WFDC12: variants seen among roughly 807,000 people sequenced by gnomAD.
The protein encoded by WFDC12 is WAP four-disulfide core domain 12, also known as WAP four-disulfide core domain protein 12.
WFDC12 carries 4 observed loss-of-function variants against 7.3 expected under a neutral mutation model. The observed-to-expected ratio is 0.55, with a 90% CI of 0.27 to 1.25. The LOEUF is 1.25. Ranked by LOEUF, WFDC12 falls within the 50% of genes most tolerant of loss-of-function variation. The pLI, the probability that WFDC12 is intolerant of heterozygous loss-of-function variation, is 0.12. For missense variants in WFDC12, 156 were observed against 134.4 expected (o/e 1.16, Z -0.80); for synonymous variants, 48 against 49.5 (o/e 0.97, Z 0.13).
chr20:45,124,313 G>T, intron 1 of WFDC12, 48 bp from the exon 2 acceptor site: 1 of 1,613,890 alleles, frequency 6.2e-7, no homozygotes. Flanking sequence ...GCCCCAGAGG[G>T]CCCCTCAGGA....
At position 45,124,276 on chromosome 20, in the gene WFDC12, A is replaced by G. The variant is rs1178207845; in HGVS notation, c.80-11T>C. ...CTGCTTTCTCTATACCTAGTGGAGG[A>G]AGCCACAAGGTGATATGAGAACTCC... On this transcript the variant is annotated splice_polypyrimidine_tract_variant and intron_variant, in intron 1 of 2. Coordinates refer to ENST00000372785, the MANE Select transcript of WFDC12 (RefSeq NM_080869.2). 1.2e-6 allele frequency: 2 copies of G among 1,613,956 alleles called. No homozygotes were observed. The highest frequency in any genetic ancestry group is 1.7e-6 in the Non-Finnish European group (2 of 1,179,988).
chr20:45,123,674 G>T lies in WFDC12; in HGVS notation c.*172C>A. ...GCACCAGGTAGAGAGGGAAAGTACC[G>T]TCCCTGGGGTCTGGACTTTTTGTGA... On this transcript the variant is annotated 3_prime_UTR_variant, in exon 3 of 3. Transcript: ENST00000372785. 1.4e-6 allele frequency: 1 copy of T among 691,610 alleles called. No homozygotes were observed. Among genetic ancestry groups the T allele is most frequent in the Non-Finnish European group, 2.5e-6 (1 of 400,114 alleles). 42.8% of individuals were successfully genotyped at this position (691,610 alleles called of 1,614,324 possible).
rs1045109345 is a variant in WFDC12, at chr20:45,123,636, G to A, written c.*210C>T. The A allele has an allele frequency of 2.0e-5, 12 of 605,302 alleles. 1 individual carries two copies. The South Asian group carries it at 2.3e-4, about 12-fold the overall frequency. 37.5% of individuals were successfully genotyped at this position (605,302 alleles called of 1,614,324 possible). On this transcript the variant is annotated 3_prime_UTR_variant, in exon 3 of 3. Coordinates refer to ENST00000372785, the MANE Select transcript of WFDC12 (RefSeq NM_080869.2). ...TCATTCATGAGGGGTCCATTCATGA[G>A]CATTAGGGAGGAGCACCAGGTAGAG...
chr20:45,123,911 A>G lies in WFDC12; in HGVS notation c.271T>C (p.Tyr91His). The G allele has an allele frequency of 1.2e-6, 2 of 1,613,504 alleles. No individual in the cohort carries two copies. The highest frequency in any genetic ancestry group is 1.7e-5 in the Admixed American group (1 of 59,966). Residue 91 changes from tyrosine (Y) to histidine (H), a missense_variant, in exon 3 of 3, where the codon TAC (tyrosine) becomes CAC (histidine). Physicochemically the swap from Tyr to His is moderately conservative, Grantham distance 83 (BLOSUM62 2). Transcript: ENST00000372785. ...GNKDEDVSRPYPEPGWEAKCP... is the reference protein window; with the variant it reads ...GNKDEDVSRPHPEPGWEAKCP... Reference sequence around the variant, plus strand: ...TTGGCCTCCCATCCTGGCTCAGGGTATGGCCTTGACACATCTTCATCCTTG... The same window carrying G: ...TTGGCCTCCCATCCTGGCTCAGGGTGTGGCCTTGACACATCTTCATCCTTG...
Position 45,123,522 on chromosome 20 carries a change from T to G in WFDC12, c.*324A>C. 3.0e-6 allele frequency: 1 copy of G among 333,334 alleles called. No individual in the cohort carries two copies. Among genetic ancestry groups the G allele is most frequent in the Non-Finnish European group, 5.5e-6 (1 of 180,630 alleles). 20.6% of individuals were successfully genotyped at this position (333,334 alleles called of 1,614,324 possible). ...GATTCAGCATCTGGTGAGGACCAGT[T>G]TCTCTTCTCTGACAGTGCCTTCTAG... is the stretch of plus-strand genomic sequence containing the variant. On this transcript the variant is annotated 3_prime_UTR_variant, in exon 3 of 3. Coordinates refer to ENST00000372785, the MANE Select transcript of WFDC12 (RefSeq NM_080869.2).
At chr20:45,124,330 C>T (rs559835767) in intron 1 of WFDC12, 39 bp downstream of exon 1, 2 of 1,613,926 alleles carry the variant, frequency 1.2e-6, no homozygotes, top group East Asian at 2.2e-5. Context: ...AGGACCTCTC[C>T]CCAGCCCAGC....
chr20:45,123,716 G>T lies in WFDC12; in HGVS notation c.*130C>A. 1.0e-6 allele frequency: 1 copy of T among 965,668 alleles called. No homozygotes were observed. The highest frequency in any genetic ancestry group is 1.6e-6 in the Non-Finnish European group (1 of 630,756). 59.8% of individuals were successfully genotyped at this position (965,668 alleles called of 1,614,324 possible). ...TTTTTGTGACTCTTCCCTCTTTTTG[G>T]GGAAAAGGACTTCAAGCTCAGGTTT... is the stretch of plus-strand genomic sequence containing the variant. On this transcript the variant is annotated 3_prime_UTR_variant, in exon 3 of 3. Transcript: ENST00000372785.
rs758379565 is a variant in WFDC12, at chr20:45,124,148, C to G, written c.197G>C (p.Cys66Ser). 52 of 1,614,120 alleles carry G rather than the reference C, an allele frequency of 3.2e-5. No homozygotes were observed. Among genetic ancestry groups the G allele is most frequent in the Non-Finnish European group, 3.2e-5 (38 of 1,180,058 alleles). ...LGERKCCYLH[C>S]GFKCVIPVKE... ...CACAGGAATCACACACTTGAAGCCACAGTGCAGGTAACAACACTTCCTTTC... is the reference window on the plus strand; with the variant it reads ...CACAGGAATCACACACTTGAAGCCAGAGTGCAGGTAACAACACTTCCTTTC... Residue 66 changes from cysteine (C) to serine (S), a missense_variant, in exon 2 of 3, where the codon TGT (cysteine) becomes TCT (serine). Cys to Ser is a moderately radical substitution (Grantham distance 112). Coordinates refer to ENST00000372785, the MANE Select transcript of WFDC12 (RefSeq NM_080869.2).
Position 45,124,427 on chromosome 20 carries a change from C to T in WFDC12, c.21G>A (p.Leu7=), listed in dbSNP as rs545327186. Residue 7 remains leucine (L), a synonymous_variant, in exon 1 of 3, where the codon TTG becomes TTA. Coordinates refer to ENST00000372785, the MANE Select transcript of WFDC12 (RefSeq NM_080869.2). MGSSSF[L]VLMVSLVLVT... is the part of the protein sequence containing the mutation. ...CAAGAACGAGAGACACCATGAGGACCAAGAAGCTGCTGGACCCCATGTTGC... is the reference window on the plus strand; with the variant it reads ...CAAGAACGAGAGACACCATGAGGACTAAGAAGCTGCTGGACCCCATGTTGC... 1 of 1,614,164 alleles carries T rather than the reference C, an allele frequency of 6.2e-7. No individual in the cohort carries two copies. Among genetic ancestry groups the T allele is most frequent in the South Asian group, 1.1e-5 (1 of 91,070 alleles).
rs1409671792 is a variant in WFDC12, at chr20:45,124,411, G to A, written c.37C>T (p.Leu13Phe). The A allele has an allele frequency of 1.2e-6, 2 of 1,614,162 alleles. No individual in the cohort carries two copies. The highest frequency in any genetic ancestry group is 1.1e-5 in the South Asian group (1 of 91,082). Residue 13 changes from leucine to phenylalanine, a missense_variant, in exon 1 of 3, where the codon CTC becomes TTC. Coordinates refer to ENST00000372785, the MANE Select transcript of WFDC12 (RefSeq NM_080869.2). Reference sequence around the variant, plus strand: ...ACAGCCACCAGGGTCACAAGAACGAGAGACACCATGAGGACCAAGAAGCTG... The same window carrying A: ...ACAGCCACCAGGGTCACAAGAACGAAAGACACCATGAGGACCAAGAAGCTG... ...SSSFLVLMVS[L>F]VLVTLVAVEG...
Position 45,123,896 on chromosome 20 carries a change from A to T in WFDC12, c.286T>A (p.Trp96Arg). The T allele has an allele frequency of 6.2e-7, 1 of 1,613,606 alleles. No homozygotes were observed. The highest frequency in any genetic ancestry group is 8.5e-7 in the Non-Finnish European group (1 of 1,179,990). ...DVSRPYPEPG[W>R]EAKCPGSSST... ...GAGGAGCCTGGACACTTGGCCTCCC[A>T]TCCTGGCTCAGGGTATGGCCTTGAC... is the stretch of plus-strand genomic sequence containing the variant. Residue 96 changes from tryptophan to arginine, a missense_variant, in exon 3 of 3, where the codon TGG (tryptophan) becomes AGG (arginine). Coordinates refer to ENST00000372785, the MANE Select transcript of WFDC12 (RefSeq NM_080869.2).
rs775514182 is a variant in WFDC12 at position 45,124,453 on chromosome 20, C to G, written c.-6G>C. On this transcript the variant is annotated 5_prime_UTR_variant, in exon 1 of 3. Transcript: ENST00000372785. ...AAGAAGCTGCTGGACCCCATGTTGC[C>G]AGGCAGGTGCTTGGCTGGGAGCTGG... 1.1e-5 allele frequency: 17 copies of G among 1,614,182 alleles called. No homozygotes were observed. The highest frequency in any genetic ancestry group is 3.3e-5 in the Admixed American group (2 of 60,022).
rs771636507 is a variant in WFDC12 at position 45,124,213 on chromosome 20, G to T, written c.132C>A (p.Ser44=). 4 of 1,614,030 alleles carry T rather than the reference G, an allele frequency of 2.5e-6. No homozygotes were observed. Among genetic ancestry groups the T allele is most frequent in the Admixed American group, 3.3e-5 (2 of 60,002 alleles). ...GGTCTGTGTGACACTGGGGAGGATC[G>T]GACTTGAAGCAGCGTACGTTGTCAG... The part of the protein sequence containing the change: ...CPADNVRCFK[S]DPPQCHTDQD... Residue 44 remains serine, a synonymous_variant, in exon 2 of 3, where the codon TCC becomes TCA. Transcript: ENST00000372785.
chr20:45,123,820 C>A lies in WFDC12; in HGVS notation c.*26G>T. Reference sequence around the variant, plus strand: ...AGGGGCAGGTGCCAAGTGAGAGTGACCCCCAGAGGTAGAAAGGACCCAGCA... The same window carrying A: ...AGGGGCAGGTGCCAAGTGAGAGTGAACCCCAGAGGTAGAAAGGACCCAGCA... On this transcript the variant is annotated 3_prime_UTR_variant, in exon 3 of 3. Coordinates refer to ENST00000372785, the MANE Select transcript of WFDC12 (RefSeq NM_080869.2). 1.2e-6 allele frequency: 2 copies of A among 1,609,616 alleles called. No homozygotes were observed. The highest frequency in any genetic ancestry group is 1.7e-6 in the Non-Finnish European group (2 of 1,177,636).
In WFDC12 at chr20:45,124,358, T is replaced by C; in HGVS notation, c.79+11A>G. On this transcript the variant is annotated intron_variant, in intron 1 of 2. Coordinates refer to ENST00000372785, the MANE Select transcript of WFDC12 (RefSeq NM_080869.2). ...AGCCCAGCCCCACCCAGCTCCACCA[T>C]GTCTGCTCACCCTCTTTAACTCCTT... 1.9e-6 allele frequency: 3 copies of C among 1,572,082 alleles called. No homozygotes were observed. Among genetic ancestry groups the C allele is most frequent in the Non-Finnish European group, 2.6e-6 (3 of 1,141,392 alleles).
In WFDC12 at chr20:45,123,837, G is replaced by A. The variant is rs777773931; in HGVS notation, c.*9C>T. ...GAGAGTGACCCCCAGAGGTAGAAAG[G>A]ACCCAGCATCATTTCTGAGGACACC... On this transcript the variant is annotated 3_prime_UTR_variant, in exon 3 of 3. Coordinates refer to ENST00000372785, the MANE Select transcript of WFDC12 (RefSeq NM_080869.2). The A allele has an allele frequency of 9.3e-6, 15 of 1,612,418 alleles. No individual in the cohort carries two copies. The highest frequency in any genetic ancestry group is 2.1e-4 in the Middle Eastern group (1 of 4,850).
At position 45,124,436 on chromosome 20, in the gene WFDC12, G is replaced by C; in HGVS notation, c.12C>G (p.Ser4Arg). The C allele has an allele frequency of 1.9e-6, 3 of 1,614,170 alleles. No homozygotes were observed. The highest frequency in any genetic ancestry group is 2.5e-6 in the Non-Finnish European group (3 of 1,180,032). The change falls in exon 1 of 3, where the codon AGC becomes AGG. Residue 4 changes from serine to arginine, a missense_variant. Physicochemically the swap from Ser to Arg is moderately radical, Grantham distance 110. Transcript: ENST00000372785. Reference sequence around the variant, plus strand: ...GAGACACCATGAGGACCAAGAAGCTGCTGGACCCCATGTTGCCAGGCAGGT... The same window carrying C: ...GAGACACCATGAGGACCAAGAAGCTCCTGGACCCCATGTTGCCAGGCAGGT... MGS[S>R]SFLVLMVSLV...
Position 45,124,261 on chromosome 20 carries a change from T to A in WFDC12, c.84A>T (p.Ile28=). ...CAGCTGGGCAAACCCCTGCTTTCTC[T>A]ATACCTAGTGGAGGAAGCCACAAGG... The part of the protein sequence containing the change: ...LVAVEGVKEG[I]EKAGVCPADN... The change falls in exon 2 of 3, where the codon ATA becomes ATT. Residue 28 remains isoleucine (I), a synonymous_variant. Transcript: ENST00000372785. 6.2e-7 allele frequency: 1 copy of A among 1,614,132 alleles called. No homozygotes were observed. Among genetic ancestry groups the A allele is most frequent in the Non-Finnish European group, 8.5e-7 (1 of 1,179,996 alleles).
chr20:45,123,601 G>A lies in WFDC12; in HGVS notation c.*245C>T, dbSNP rs1600615549. The A allele has an allele frequency of 3.6e-6, 2 of 559,518 alleles. No homozygotes were observed. Among genetic ancestry groups the A allele is most frequent in the East Asian group, 3.1e-5 (1 of 32,624 alleles). 34.7% of individuals were successfully genotyped at this position (559,518 alleles called of 1,614,324 possible). The stretch of plus-strand genomic sequence containing the variant: ...GCAGCTCTTTGGGGTCTCTTATAAG[G>A]GCACTGGTTTCATTCATGAGGGGTC... On this transcript the variant is annotated 3_prime_UTR_variant, in exon 3 of 3. Coordinates refer to ENST00000372785, the MANE Select transcript of WFDC12 (RefSeq NM_080869.2).
Sources: gnomAD v4.1 joint callset for allele counts on GRCh38, gnomAD v4.1.1 for gene constraint, MANE v1.5 for transcripts, NCBI Gene and HGNC (gene_info 2026-07-23, HGNC 2026-07-21) for gene names.